Variants in COL8A1 observed in about 807,000 individuals in gnomAD.
The protein encoded by COL8A1 is collagen type VIII alpha 1 chain, also known as collagen alpha-1(VIII) chain.
A neutral mutation model predicts 42.7 loss-of-function variants in COL8A1; 21 were observed. That is an observed-to-expected ratio of 0.49 (90% CI 0.35 to 0.71). COL8A1 has a LOEUF of 0.71. COL8A1 is among the 30% of genes least tolerant of loss of function. The pLI, the probability that COL8A1 is intolerant of heterozygous loss-of-function variation, is 0.01. For synonymous variants in COL8A1, 367 were observed against 369.1 expected (o/e 0.99, Z 0.06); for missense variants, 788 against 962.4 (o/e 0.82, Z 2.40).
At chr3:99,683,471 G>A (rs912956878) in intron 1 of COL8A1, among the ~76,000 whole-genome samples, 1 of 152,160 alleles carries the variant, frequency 6.6e-6, no homozygotes, top group Admixed American at 6.5e-5. Flanking sequence ...CATTGAAAAT[G>A]GAAATAAGTT....
At chr3:99,782,362 A>G (rs1325496424) in intron 2 of COL8A1, among the ~76,000 whole-genome samples, 1 of 152,116 alleles carries the variant, frequency 6.6e-6, no homozygotes, top group African/African-American at 2.4e-5. Context: ...CAAAGGCTTG[A>G]GTACCTAAGT....
At chr3:99,692,028 T>A (rs959908572) in intron 1 of COL8A1, among the ~76,000 whole-genome samples, 2 of 151,978 alleles carry the variant, frequency 1.3e-5, no homozygotes, top group African/African-American at 2.4e-5. Flanking sequence ...TAGAGAAGAG[T>A]TGAGTTACAG....
At chr3:99,765,210 A>G (rs183275898) in intron 2 of COL8A1, among the ~76,000 whole-genome samples, 2 of 152,122 alleles carry the variant, frequency 1.3e-5, no homozygotes, top group Non-Finnish European at 2.9e-5. Context: ...CTGATTCACT[A>G]TTCCCCTCTG....
intron 1 of COL8A1, among the ~76,000 whole-genome samples, chr3:99,733,884 T>C (rs942350561): frequency 1.3e-5 from 2 of 152,284 alleles, no homozygotes; most frequent in South Asian, 4.2e-4. Context: ...TTGATTTGCA[T>C]TTCTCTGATG....
At chr3:99,737,867 C>G (rs1288638542) in intron 1 of COL8A1, among the ~76,000 whole-genome samples, 1 of 151,722 alleles carries the variant, frequency 6.6e-6, no homozygotes, top group Non-Finnish European at 1.5e-5. Flanking sequence ...GTACACCAAT[C>G]AGACGTAGAT....
intron 1 of COL8A1, among the ~76,000 whole-genome samples, chr3:99,658,687 G>A (rs937335543): frequency 2.0e-5 from 3 of 152,168 alleles, no homozygotes; most frequent in African/African-American, 4.8e-5. Context: ...GAGACAAACT[G>A]GCAGATACAA....
chr3:99,677,772 C>T (rs1938746808), intron 1 of COL8A1: 1 of 152,130 alleles, frequency 6.6e-6, no homozygotes, highest in African/African-American at 2.4e-5. Context: ...CAGTTCCTCG[C>T]TCAGAACAGC....
At chr3:99,736,858 T>A (rs1333319406) in intron 1 of COL8A1, among the ~76,000 whole-genome samples, 1 of 152,164 alleles carries the variant, frequency 6.6e-6, no homozygotes, top group Non-Finnish European at 1.5e-5. Flanking sequence ...TATTAATGTG[T>A]GGGAGTCTAA....
intron 2 of COL8A1, among the ~76,000 whole-genome samples, chr3:99,771,118 G>C (rs951263875): frequency 1.3e-5 from 2 of 152,150 alleles, no homozygotes; most frequent in Non-Finnish European, 2.9e-5. Flanking sequence ...CAGTGTGGCC[G>C]ATGCTTATTC....
chr3:99,710,306 G>A (rs1480675769), intron 1 of COL8A1, among the ~76,000 whole-genome samples: 1 of 152,026 alleles, frequency 6.6e-6, no homozygotes, highest in Non-Finnish European at 1.5e-5. Context: ...GGCATCATGG[G>A]GAGGAACAGG....
chr3:99,759,598 T>G (rs762550458), intron 2 of COL8A1, among the ~76,000 whole-genome samples: 1 of 152,164 alleles, frequency 6.6e-6, no homozygotes, highest in African/African-American at 2.4e-5. Context: ...AAAAAACACA[T>G]GCCAAGATCA....
chr3:99,775,253 C>T (rs1486324990), intron 2 of COL8A1, among the ~76,000 whole-genome samples: 1 of 152,150 alleles, frequency 6.6e-6, no homozygotes, highest in Non-Finnish European at 1.5e-5. Flanking sequence ...AAAGAAAGCA[C>T]CAGGCTGTCT....
rs1478957057 is a variant in COL8A1 at position 99,794,390 on chromosome 3, T to G, written c.489T>G (p.Pro163=). The G allele has an allele frequency of 6.2e-7, 1 of 1,613,718 alleles. No individual in the cohort carries two copies. Among genetic ancestry groups the G allele is most frequent in the African/African-American group, 1.3e-5 (1 of 74,846 alleles). Residue 163 remains proline, a synonymous_variant, in exon 4 of 4, where the codon CCT becomes CCG. Transcript: ENST00000652472. The surrounding 1 kb of genome is among the most constrained non-coding windows in gnomAD (Gnocchi z 4.3). ...GYPGVGKPGM[P]GMPGKPGAMG... ...CAGGAGTTGGAAAGCCAGGTATGCC[T>G]GGAATGCCAGGGAAGCCAGGAGCCA...
At chr3:99,720,333 A>G (rs770125731) in intron 1 of COL8A1, among the ~76,000 whole-genome samples, 2 of 151,106 alleles carry the variant, frequency 1.3e-5, no homozygotes, top group African/African-American at 4.9e-5. Flanking sequence ...TGAATGACAG[A>G]TGGAAAATTT....
At chr3:99,782,929 T>C (rs1184420941) in intron 2 of COL8A1, among the ~76,000 whole-genome samples, 6 of 79,988 alleles carry the variant, frequency 7.5e-5, no homozygotes, top group East Asian at 8.5e-4. Flanking sequence ...TATTCTACTT[T>C]AGAATTTCTT....
chr3:99,687,934 C>A (rs1403691399), intron 1 of COL8A1, among the ~76,000 whole-genome samples: 1 of 152,142 alleles, frequency 6.6e-6, no homozygotes, highest in Admixed American at 6.5e-5. Context: ...TAAAAGAAAG[C>A]AGCACAAGAG....
At chr3:99,695,263 G>C (rs1939333529) in intron 1 of COL8A1, among the ~76,000 whole-genome samples, 2 of 152,082 alleles carry the variant, frequency 1.3e-5, no homozygotes. Context: ...ATTAGTCATA[G>C]TAGTCCCCAC....
rs142982053 is a variant in COL8A1, at chr3:99,746,031, T to C, written c.-4+1010T>C. Among the ~76,000 whole-genome samples, 1,070 of 152,274 alleles carry C rather than the reference T, an allele frequency of 7.0e-3. 13 individuals carry two copies. Among genetic ancestry groups the C allele is most frequent in the African/African-American group, 0.024 (989 of 41,552 alleles). On this transcript the variant is annotated intron_variant, in intron 2 of 3. Transcript: ENST00000652472. ...TTTATTTCATAATTAAAAGAATGAATTGCTAAGATTCCCCAGATTTTTCTT... is the reference window on the plus strand; with the variant it reads ...TTTATTTCATAATTAAAAGAATGAACTGCTAAGATTCCCCAGATTTTTCTT...
intron 1 of COL8A1, among the ~76,000 whole-genome samples, chr3:99,732,664 C>T (rs1438773848): frequency 2.0e-5 from 3 of 152,036 alleles, no homozygotes; most frequent in South Asian, 2.1e-4. Flanking sequence ...CACAGCCAAA[C>T]CATATCATTC....
Sources: allele counts gnomAD v4.1 joint callset (sites outside exome capture counted in the v4.1 genomes callset), GRCh38; gene constraint gnomAD v4.1.1; non-coding constraint Gnocchi (gnomAD v3.1); transcripts MANE v1.5; gene names NCBI Gene and HGNC (gene_info 2026-07-23, HGNC 2026-07-21).